Variants in LYPD2 observed in about 807,000 individuals in gnomAD.
LYPD2 encodes the protein LY6/PLAUR domain containing 2, also known as ly6/PLAUR domain-containing protein 2.
LYPD2 carries 5 observed loss-of-function variants against 7.1 expected under a neutral mutation model. The ratio of observed to expected loss-of-function variants is 0.70; its 90% confidence interval spans 0.37 to 1.48. The LOEUF (loss-of-function observed/expected upper bound fraction) is 1.48. LYPD2 is among the 40% of genes most tolerant of loss of function. The pLI is 0.03. For synonymous variants in LYPD2, 78 were observed against 82.0 expected (o/e 0.95, Z 0.26); for missense variants, 177 against 171.0 (o/e 1.04, Z -0.20).
In LYPD2 at chr8:142,751,143, G is replaced by A. The variant is rs374454038; in HGVS notation, c.86C>T (p.Pro29Leu). The A allele has an allele frequency of 3.7e-5, 60 of 1,614,012 alleles. No homozygotes were observed. The highest frequency in any genetic ancestry group is 5.5e-5 in the South Asian group (5 of 91,088). Residue 29 changes from proline to leucine, a missense_variant, in exon 2 of 3, where the codon CCG becomes CTG. Transcript: ENST00000359228. ...LAPALRCYVC[P>L]EPTGVSDCVT... The stretch of plus-strand genomic sequence containing the variant: ...ACAGTCCGACACTCCTGTGGGCTCC[G>A]GACAGACGTAGCAGCGCAGGGCCGG...
At position 142,750,930 on chromosome 8, in the gene LYPD2, G is replaced by A. The variant is rs746384417; in HGVS notation, c.178+121C>T. On this transcript the variant is annotated intron_variant, in intron 2 of 2. Coordinates refer to ENST00000359228, the MANE Select transcript of LYPD2 (RefSeq NM_205545.3). Reference sequence around the variant, plus strand: ...GACTGGGCTGGAGGTGGCTCTGACCGGGAACCCAGCCCTGCCCGCCTTCCG... The same window carrying A: ...GACTGGGCTGGAGGTGGCTCTGACCAGGAACCCAGCCCTGCCCGCCTTCCG... 7.2e-6 allele frequency: 11 copies of A among 1,536,794 alleles called. No individual in the cohort carries two copies. In the Admixed American group the frequency reaches 8.7e-5, roughly 12 times the overall value.
intron 2 of LYPD2, 150 bp from the exon 3 acceptor site, chr8:142,750,632 C>T: frequency 1.3e-6 from 1 of 784,728 alleles, no homozygotes; most frequent in Admixed American, 2.3e-5. Context: ...TTCCTCTCTC[C>T]TCCCACCGAC....
chr8:142,752,003 T>A (rs587723157), intron 1 of LYPD2, among the ~76,000 whole-genome samples: 1 of 151,824 alleles, frequency 6.6e-6, no homozygotes, highest in Admixed American at 6.5e-5. Flanking sequence ...TGTGTCTGGT[T>A]TCCCCACTCC....
chr8:142,751,539 G>A (rs1245423215), intron 1 of LYPD2, among the ~76,000 whole-genome samples: 1 of 152,200 alleles, frequency 6.6e-6, no homozygotes, highest in Non-Finnish European at 1.5e-5. Context: ...CTGGGGGCAG[G>A]TTACCCCCTC....
rs1173356327 is a variant in LYPD2 at position 142,751,136 on chromosome 8, G to C, written c.93C>G (p.Pro31=). The change falls in exon 2 of 3, where the codon CCC becomes CCG. Residue 31 remains proline (P), a synonymous_variant. Transcript: ENST00000359228. ...PALRCYVCPE[P]TGVSDCVTIA... The stretch of plus-strand genomic sequence containing the variant: ...TGGTGACACAGTCCGACACTCCTGT[G>C]GGCTCCGGACAGACGTAGCAGCGCA... 1 of 1,614,036 alleles carries C rather than the reference G, an allele frequency of 6.2e-7. No homozygotes were observed. Among genetic ancestry groups the C allele is most frequent in the East Asian group, 2.2e-5 (1 of 44,892 alleles).
intron 1 of LYPD2, among the ~76,000 whole-genome samples, chr8:142,751,639 G>A (rs1587595637): frequency 6.6e-6 from 1 of 152,208 alleles, no homozygotes; most frequent in African/African-American, 2.4e-5. Context: ...CTGCATCCGG[G>A]CTGTGTCTGG....
At position 142,751,166 on chromosome 8, in the gene LYPD2, C is replaced by T. The variant is rs767522262; in HGVS notation, c.63G>A (p.Pro21=). The T allele has an allele frequency of 6.3e-5, 101 of 1,613,816 alleles. 2 individuals are homozygous for T. In the South Asian group the frequency reaches 7.4e-4, roughly 12 times the overall value. Residue 21 remains proline (P), a synonymous_variant, in exon 2 of 3, where the codon CCG becomes CCA. Coordinates refer to ENST00000359228, the MANE Select transcript of LYPD2 (RefSeq NM_205545.3). ...LVLAACGELA[P]ALRCYVCPEP... ...CCGGACAGACGTAGCAGCGCAGGGCCGGCGCTGGGGAGAAGGGACAAGGGC... is the reference window on the plus strand; with the variant it reads ...CCGGACAGACGTAGCAGCGCAGGGCTGGCGCTGGGGAGAAGGGACAAGGGC...
At chr8:142,752,313 G>C (rs997652374) in intron 1 of LYPD2, 81 bp downstream of exon 1, 332 of 1,545,892 alleles carry the variant, frequency 2.1e-4, no homozygotes, top group Non-Finnish European at 2.8e-4. Flanking sequence ...CCCTTCCTGG[G>C]GCGCCCTCCC....
Position 142,750,292 on chromosome 8 carries a change from G to A in LYPD2, c.369C>T (p.Leu123=). The change falls in exon 3 of 3, where the codon CTC becomes CTT. Residue 123 remains leucine, a synonymous_variant. Transcript: ENST00000359228. ...GALTLLPLLS[L]RL is the part of the protein sequence containing the mutation. ...GGGGTGGGCGGGGACTCTACAGTCG[G>A]AGGCTCAAGAGTGGGAGGAGCGTGA... The A allele has an allele frequency of 6.4e-7, 1 of 1,551,760 alleles. No individual in the cohort carries two copies. Among genetic ancestry groups the A allele is most frequent in the Non-Finnish European group, 8.7e-7 (1 of 1,147,484 alleles).
chr8:142,750,439 G>A lies in LYPD2; in HGVS notation c.222C>T (p.Ala74=). 1.3e-6 allele frequency: 2 copies of A among 1,590,456 alleles called. No individual in the cohort carries two copies. The highest frequency in any genetic ancestry group is 1.1e-5 in the South Asian group (1 of 87,016). The change falls in exon 3 of 3, where the codon GCC becomes GCT. Residue 74 remains alanine (A), a synonymous_variant. Coordinates refer to ENST00000359228, the MANE Select transcript of LYPD2 (RefSeq NM_205545.3). ...CCACATCCGAGGGCTTACACTTGCTGGCACAGGACTTGGTCACCGTGGAGT... is the reference window on the plus strand; with the variant it reads ...CCACATCCGAGGGCTTACACTTGCTAGCACAGGACTTGGTCACCGTGGAGT... ...QGDSTVTKSC[A]SKCKPSDVDG... is the part of the protein sequence containing the mutation.
At chr8:142,752,233 C>G (rs1814725896) in intron 1 of LYPD2, among the ~76,000 whole-genome samples, 161 bp downstream of exon 1, 1 of 152,096 alleles carries the variant, frequency 6.6e-6, no homozygotes, top group African/African-American at 2.4e-5. Flanking sequence ...TCCGTTTCCA[C>G]CCTCCCCTCC....
At chr8:142,750,587 C>G (rs776028334) in intron 2 of LYPD2, 105 bp from the exon 3 acceptor site, 1 of 1,125,294 alleles carries the variant, frequency 8.9e-7, no homozygotes, top group East Asian at 2.6e-5. Flanking sequence ...GTCACCCACC[C>G]GGGTCTCCGT....
chr8:142,751,563 G>A (rs1230497355), intron 1 of LYPD2, among the ~76,000 whole-genome samples: 1 of 152,200 alleles, frequency 6.6e-6, no homozygotes, highest in Non-Finnish European at 1.5e-5. Flanking sequence ...TTCCCCATCA[G>A]GGAAGTGCTG....
chr8:142,750,186 G>A lies in LYPD2; in HGVS notation c.*97C>T. On this transcript the variant is annotated 3_prime_UTR_variant, in exon 3 of 3. Transcript: ENST00000359228. ...GTCAGAGATGCAGCAGGGCAGGTCTGTGCCCAGAAAGGAGACTCAGGAGTC... is the reference window on the plus strand; with the variant it reads ...GTCAGAGATGCAGCAGGGCAGGTCTATGCCCAGAAAGGAGACTCAGGAGTC... The A allele has an allele frequency of 1.9e-6, 2 of 1,070,164 alleles. No individual in the cohort carries two copies. 66.3% of individuals were successfully genotyped at this position (1,070,164 alleles called of 1,614,324 possible).
At chr8:142,750,558 A>C in intron 2 of LYPD2, 76 bp from the exon 3 acceptor site, 1 of 1,422,108 alleles carries the variant, frequency 7.0e-7, no homozygotes, top group Non-Finnish European at 9.7e-7. Flanking sequence ...GTACCACCTC[A>C]TGCAGGCCCC....
At chr8:142,750,521 A>ACTGCCTCCAAGCCCTGGTCC in intron 2 of LYPD2, 39 bp from the exon 3 acceptor site, 1 of 1,542,386 alleles carries the variant, frequency 6.5e-7, no homozygotes, top group South Asian at 1.2e-5. Context: ...AGGGCTGGTC[A>ACTGCCTCCAAGCCCTGGTCC]CTGCCTCCAA....
intron 1 of LYPD2, among the ~76,000 whole-genome samples, chr8:142,751,493 G>A (rs968046799): frequency 2.0e-5 from 3 of 152,216 alleles, no homozygotes; most frequent in African/African-American, 7.2e-5. Context: ...CATAGCAAGA[G>A]GCACCTCGGG....
Position 142,751,189 on chromosome 8 carries a change from G to A in LYPD2, c.59-19C>T, listed in dbSNP as rs199871051. On this transcript the variant is annotated intron_variant, in intron 1 of 2. Transcript: ENST00000359228. ...GCCGGCGCTGGGGAGAAGGGACAAGGGCGGTCAGGCAGGCTCCACCCCTCC... is the reference window on the plus strand; with the variant it reads ...GCCGGCGCTGGGGAGAAGGGACAAGAGCGGTCAGGCAGGCTCCACCCCTCC... 20 of 1,612,698 alleles carry A rather than the reference G, an allele frequency of 1.2e-5. No homozygotes were observed. Among genetic ancestry groups the A allele is most frequent in the Admixed American group, 5.0e-5 (3 of 59,996 alleles).
Position 142,752,415 on chromosome 8 carries a change from G to C in LYPD2, c.37C>G (p.Leu13Val), listed in dbSNP as rs758051619. ...TCACCCAGCTCTCCGCAGGCAGCCA[G>C]CACCAGCGCCAGGAGCGCCAGCCGC... The part of the protein sequence containing the change: ...GTRLALLALV[L>V]AACGELAPAL... The change falls in exon 1 of 3, where the codon CTG (leucine) becomes GTG (valine). Residue 13 changes from leucine (L) to valine (V), a missense_variant. Physicochemically the swap from Leu to Val is conservative, Grantham distance 32. Transcript: ENST00000359228. 6 of 1,613,456 alleles carry C rather than the reference G, an allele frequency of 3.7e-6. No individual in the cohort carries two copies. The highest frequency in any genetic ancestry group is 4.2e-6 in the Non-Finnish European group (5 of 1,179,778).
Sources: allele counts gnomAD v4.1 joint callset (sites outside exome capture counted in the v4.1 genomes callset), GRCh38; gene constraint gnomAD v4.1.1; transcripts MANE v1.5; gene names NCBI Gene and HGNC (gene_info 2026-07-23, HGNC 2026-07-21).